Variants in LRRC7 observed in about 807,000 individuals in gnomAD.
LRRC7 encodes leucine-rich repeat-containing protein 7.
LRRC7 carries 23 observed loss-of-function variants against 175.7 expected under a neutral mutation model. The ratio of observed to expected loss-of-function variants is 0.13; its 90% CI spans 0.09 to 0.19. The LOEUF (loss-of-function observed/expected upper bound fraction) is 0.19. Ranked by LOEUF, LRRC7 falls within the 10% of genes least tolerant of loss-of-function variation. The pLI, the probability that LRRC7 is intolerant of heterozygous loss-of-function variation, is 1.00. For synonymous variants in LRRC7, 685 were observed against 680.9 expected (o/e 1.01, Z -0.09); for missense variants, 1,354 against 1,904.7 (o/e 0.71, Z 5.38).
intron 12 of LRRC7, among the ~76,000 whole-genome samples, chr1:70,012,527 A>G (rs1656602075): frequency 6.6e-6 from 1 of 151,868 alleles, no homozygotes. Context: ...TAATTATCTT[A>G]GAGCCAAAAC....
In LRRC7 at chr1:69,995,429, T is replaced by C. The variant is rs1654843735; in HGVS notation, c.1004+796T>C. Among the ~76,000 whole-genome samples, 3 of 152,064 alleles carry C rather than the reference T, an allele frequency of 2.0e-5. No individual in the cohort carries two copies. The South Asian group carries it at 6.2e-4, about 32-fold the overall frequency. On this transcript the variant is annotated intron_variant, in intron 11 of 26. Transcript: ENST00000651989. ...TAATTTATTATTATTATACTTTAAG[T>C]TTTAGGGTACATGTGCACAATGTGC...
At chr1:69,899,999 T>C (rs1362023599) in intron 7 of LRRC7, among the ~76,000 whole-genome samples, 1 of 152,254 alleles carries the variant, frequency 6.6e-6, no homozygotes, top group East Asian at 1.9e-4. Context: ...TGTAATAAAA[T>C]TTATTTTATG....
At chr1:69,977,026 T>C (rs1652885845) in intron 8 of LRRC7, among the ~76,000 whole-genome samples, 1 of 152,140 alleles carries the variant, frequency 6.6e-6, no homozygotes, top group Non-Finnish European at 1.5e-5. Flanking sequence ...GATTTCAGTC[T>C]CTCCCATTTA....
At chr1:69,735,674 T>C (rs1230718213) in intron 2 of LRRC7, among the ~76,000 whole-genome samples, 1 of 152,140 alleles carries the variant, frequency 6.6e-6, no homozygotes, top group African/African-American at 2.4e-5. Context: ...ATAACTTCCA[T>C]TGATGGTCCT....
intron 1 of LRRC7, among the ~76,000 whole-genome samples, chr1:69,611,328 AT>A (rs1648696473): frequency 6.6e-6 from 1 of 151,842 alleles, no homozygotes; most frequent in African/African-American, 2.4e-5. Context: ...TTTTATATAA[AT>A]TTTTTTAATA....
intron 24 of LRRC7, among the ~76,000 whole-genome samples, chr1:70,088,100 A>T (rs1180321156): frequency 6.6e-6 from 1 of 152,214 alleles, no homozygotes; most frequent in Admixed American, 6.5e-5. Flanking sequence ...TAAGAAAGCA[A>T]ATGTTTACAA....
intron 24 of LRRC7, among the ~76,000 whole-genome samples, chr1:70,083,168 A>G (rs917433881): frequency 6.6e-6 from 1 of 152,200 alleles, no homozygotes; most frequent in Non-Finnish European, 1.5e-5. Flanking sequence ...AGATTTGAAT[A>G]TAGAAGAATT....
intron 11 of LRRC7, among the ~76,000 whole-genome samples, chr1:70,005,013 T>G (rs1289713972): frequency 2.0e-5 from 3 of 152,070 alleles, no homozygotes; most frequent in Admixed American, 6.6e-5. Context: ...AGAAATAGAT[T>G]GTTCAAGATT....
rs144340181 is a variant in LRRC7, at chr1:69,634,920, T to C, written c.3-43461T>C. Among the ~76,000 whole-genome samples the C allele has an allele frequency of 2.7e-3, 412 of 152,266 alleles. 6 individuals carry two copies. Among genetic ancestry groups the C allele is most frequent in the Admixed American group, 0.026 (393 of 15,266 alleles). ...AGTGAGAAGCAGAAAATGTCTGACA[T>C]TCAAGTATTTAAAATTGCTTGTTTA... On this transcript the variant is annotated intron_variant, in intron 1 of 26. Transcript: ENST00000651989.
chr1:69,921,342 CACAA>C (rs927033907), intron 7 of LRRC7, among the ~76,000 whole-genome samples: 7 of 152,086 alleles, frequency 4.6e-5, no homozygotes, highest in African/African-American at 1.7e-4. Context: ...CATACACACA[CACAA>C]ACACACACAC....
At chr1:69,865,086 A>C (rs1419477864) in intron 7 of LRRC7, among the ~76,000 whole-genome samples, 1 of 152,124 alleles carries the variant, frequency 6.6e-6, no homozygotes, top group Non-Finnish European at 1.5e-5. Flanking sequence ...TGGTTATTTC[A>C]CCTGAGAACA....
chr1:70,071,781 C>T (rs954142410), intron 23 of LRRC7, among the ~76,000 whole-genome samples: 1 of 152,036 alleles, frequency 6.6e-6, no homozygotes, highest in Non-Finnish European at 1.5e-5. Flanking sequence ...CCAGGTGGTT[C>T]AAGAGCCAAG....
At chr1:69,888,967 A>T (rs573313338) in intron 7 of LRRC7, among the ~76,000 whole-genome samples, 10 of 152,338 alleles carry the variant, frequency 6.6e-5, no homozygotes, top group African/African-American at 2.2e-4. Flanking sequence ...TAAAGCAAAT[A>T]TTGCAATGAA....
At position 70,076,063 on chromosome 1, in the gene LRRC7, T is replaced by C. The variant is rs749821107; in HGVS notation, c.4231-14T>C. 2.5e-6 allele frequency: 4 copies of C among 1,612,432 alleles called. No individual in the cohort carries two copies. The highest frequency in any genetic ancestry group is 1.1e-5 in the South Asian group (1 of 91,014). On this transcript the variant is annotated splice_polypyrimidine_tract_variant and intron_variant, in intron 23 of 26. Transcript: ENST00000651989. ...CACCATGAATCTTTGCCTGACAGAT[T>C]ATCTTCTCCACAGGCAGGCAGCCAC...
intron 2 of LRRC7, among the ~76,000 whole-genome samples, chr1:69,704,068 C>T (rs1663717061): frequency 6.6e-6 from 1 of 151,842 alleles, no homozygotes; most frequent in Non-Finnish European, 1.5e-5. Flanking sequence ...TATACTTTTC[C>T]TTCATTGCCT....
intron 1 of LRRC7, among the ~76,000 whole-genome samples, chr1:69,572,010 C>A (rs1163852961): frequency 1.3e-5 from 2 of 152,128 alleles, no homozygotes; most frequent in Non-Finnish European, 2.9e-5. Context: ...GACTACTTTG[C>A]AGAGTATCAT....
chr1:69,720,593 A>G (rs1666240603), intron 2 of LRRC7, among the ~76,000 whole-genome samples: 1 of 149,110 alleles, frequency 6.7e-6, no homozygotes, highest in South Asian at 2.1e-4. Flanking sequence ...TCATTTTAGG[A>G]TTTCTTTTAG....
chr1:69,659,158 C>T (rs924990699), intron 1 of LRRC7, among the ~76,000 whole-genome samples: 1 of 152,086 alleles, frequency 6.6e-6, no homozygotes, highest in Non-Finnish European at 1.5e-5. Context: ...TGGTACTTTT[C>T]ATTGGCCAAG....
intron 4 of LRRC7, among the ~76,000 whole-genome samples, chr1:69,808,025 T>C (rs994381757): frequency 1.3e-5 from 2 of 151,764 alleles, no homozygotes; most frequent in African/African-American, 4.8e-5. Flanking sequence ...TAAACTTGTC[T>C]TCATGATTTA....
Sources: gnomAD v4.1 joint callset for allele counts (sites outside exome capture counted in the v4.1 genomes callset) on GRCh38, gnomAD v4.1.1 for gene constraint, MANE v1.5 for transcripts, NCBI Gene and HGNC (gene_info 2026-07-23, HGNC 2026-07-21) for gene names.